Variants in TSR1 observed in about 807,000 individuals in gnomAD.
TSR1 encodes TSR1 ribosome maturation factor, also known as pre-rRNA-processing protein TSR1 homolog.
A neutral mutation model predicts 90.9 loss-of-function variants in TSR1; 81 were observed. The ratio of observed to expected loss-of-function variants is 0.89; its 90% CI spans 0.74 to 1.07. The LOEUF (loss-of-function observed/expected upper bound fraction) is 1.07, where lower values mean the gene tolerates loss of function less well. Among genes scored for constraint, TSR1 ranks in the 50% least tolerant of loss-of-function variants. The pLI, the probability that TSR1 is intolerant of heterozygous loss-of-function variation, is 0.00. For missense variants in TSR1, 989 were observed against 987.3 expected (o/e 1.00, Z -0.02); for synonymous variants, 362 against 348.8 (o/e 1.04, Z -0.42).
In TSR1 at chr17:2,336,106, C is replaced by G. The variant is rs146753045; in HGVS notation, c.132G>C (p.Val44=). 6.0e-5 allele frequency: 97 copies of G among 1,614,200 alleles called. No homozygotes were observed. The African/African-American group carries it at 1.1e-3, about 18-fold the overall frequency. ...RLALKTLSKK[V]RKELSRVDQR... ...GGTCGACTCTGCTGAGTTCTTTTCT[C>G]ACCTTCTTGCTTAGGGTTTTCAGTG... The change falls in exon 2 of 15, where the codon GTG becomes GTC. Residue 44 remains valine, a synonymous_variant. Transcript: ENST00000301364.
chr17:2,322,625 C>T lies in TSR1; in HGVS notation c.*1571G>A, dbSNP rs541194344. ...ACGCCATTCTCCTGCCTCTGCCTCC[C>T]GAGTAGCTGGGACTACAGGTGCCTG... On this transcript the variant is annotated 3_prime_UTR_variant, in exon 15 of 15. Coordinates refer to ENST00000301364, the MANE Select transcript of TSR1 (RefSeq NM_018128.5). 4.5e-5 allele frequency: 7 copies of T among 154,942 alleles called. No homozygotes were observed. Among genetic ancestry groups the T allele is most frequent in the Non-Finnish European group, 1.0e-4 (7 of 70,040 alleles). 9.6% of individuals were successfully genotyped at this position (154,942 alleles called of 1,614,324 possible).
At position 2,329,467 on chromosome 17, in the gene TSR1, TA is replaced by T. The variant is rs1420763204; in HGVS notation, c.1778del (p.Val593AspfsTer2). On this transcript the variant is annotated frameshift_variant, in exon 11 of 15. Transcript: ENST00000301364. LOFTEE classifies it high-confidence loss of function. ...GGTCACGCCTCACCACCATATTCAA[TA>T]CTGACATCTGGGGACCAAGTAAGAA... is the stretch of plus-strand genomic sequence containing the variant. ...SLLPHEQKMS[V>X]LNMVVRRDPG... The T allele has an allele frequency of 6.2e-7, 1 of 1,614,028 alleles. No individual in the cohort carries two copies. The highest frequency in any genetic ancestry group is 8.5e-7 in the Non-Finnish European group (1 of 1,180,032).
Position 2,330,516 on chromosome 17 carries a change from T to C in TSR1, c.1769A>G (p.Lys590Arg). 1.9e-6 allele frequency: 3 copies of C among 1,613,274 alleles called. No homozygotes were observed. Among genetic ancestry groups the C allele is most frequent in the Non-Finnish European group, 2.5e-6 (3 of 1,179,516 alleles). The change falls in exon 10 of 15, where the codon AAG becomes AGG. Residue 590 changes from lysine to arginine, a missense_variant and splice_region_variant. Coordinates refer to ENST00000301364, the MANE Select transcript of TSR1 (RefSeq NM_018128.5). ...TTTTCCCACAAGACAGCAATTTACC[T>C]TCTGTTCATGAGGTAGTAAAGAAAA... is the stretch of plus-strand genomic sequence containing the variant. ...IAFSLLPHEQ[K>R]MSVLNMVVRR...
At position 2,332,150 on chromosome 17, in the gene TSR1, G is replaced by C. The variant is rs774989441; in HGVS notation, c.1496+19C>G. The stretch of plus-strand genomic sequence containing the variant: ...CGTATTGACTGAATTTAGATTTGTT[G>C]ATAGACTTGTTGACTAACCGAATTC... On this transcript the variant is annotated intron_variant, in intron 8 of 14. Coordinates refer to ENST00000301364, the MANE Select transcript of TSR1 (RefSeq NM_018128.5). The C allele has an allele frequency of 6.2e-7, 1 of 1,604,110 alleles. No homozygotes were observed. The highest frequency in any genetic ancestry group is 1.1e-5 in the South Asian group (1 of 88,946).
rs1219495215 is a variant in TSR1, at chr17:2,324,767, T to C, written c.2083A>G (p.Lys695Glu). ...MSVDPDRMVI[K>E]RVVLSGHPFK... Reference sequence around the variant, plus strand: ...GGATGACCACTCAGAACAACTCTCTTGATGACCATTCTGTCTGGATCTACT... The same window carrying C: ...GGATGACCACTCAGAACAACTCTCTCGATGACCATTCTGTCTGGATCTACT... The change falls in exon 13 of 15, where the codon AAG becomes GAG. Residue 695 changes from lysine (K) to glutamate (E), a missense_variant. By Grantham distance (56) the Lys-to-Glu change is moderately conservative (BLOSUM62 1). Coordinates refer to ENST00000301364, the MANE Select transcript of TSR1 (RefSeq NM_018128.5). The C allele has an allele frequency of 6.2e-7, 1 of 1,614,068 alleles. No individual in the cohort carries two copies. Among genetic ancestry groups the C allele is most frequent in the Non-Finnish European group, 8.5e-7 (1 of 1,180,010 alleles).
chr17:2,334,744 C>G lies in TSR1; in HGVS notation c.709G>C (p.Ala237Pro). The G allele has an allele frequency of 1.9e-6, 3 of 1,614,122 alleles. No individual in the cohort carries two copies. Among genetic ancestry groups the G allele is most frequent in the Non-Finnish European group, 2.5e-6 (3 of 1,180,042 alleles). Residue 237 changes from alanine to proline, a missense_variant, in exon 5 of 15, where the codon GCT becomes CCT. Transcript: ENST00000301364. Reference protein sequence around the residue: ...QEAGMLLRQLANQKQQHLAFR... With the variant: ...QEAGMLLRQLPNQKQQHLAFR... The stretch of plus-strand genomic sequence containing the variant: ...GCAAGATGCTGTTGCTTCTGGTTAG[C>G]CAACTGCCTAAGCAGCATCCCTGCC...
At chr17:2,333,469 C>G in intron 6 of TSR1, 88 bp downstream of exon 6, 2 of 1,546,458 alleles carry the variant, frequency 1.3e-6, no homozygotes, top group Non-Finnish European at 1.8e-6. Flanking sequence ...CCACCCCACT[C>G]TATCCTATAG....
In TSR1 at chr17:2,322,792, A is replaced by C. The variant is rs1282583080; in HGVS notation, c.*1404T>G. 1 of 284,612 alleles carries C rather than the reference A, an allele frequency of 3.5e-6. No homozygotes were observed. The highest frequency in any genetic ancestry group is 4.8e-5 in the Admixed American group (1 of 20,896). 17.6% of individuals were successfully genotyped at this position (284,612 alleles called of 1,614,324 possible). On this transcript the variant is annotated 3_prime_UTR_variant, in exon 15 of 15. Coordinates refer to ENST00000301364, the MANE Select transcript of TSR1 (RefSeq NM_018128.5). The stretch of plus-strand genomic sequence containing the variant: ...CGGCCTCCCAAAGTGCTGGGATTAC[A>C]GGCGTGAGCCACTGCGCCCCACCCC...
At chr17:2,325,534 C>T in intron 11 of TSR1, 114 bp from the exon 12 acceptor site, 1 of 759,568 alleles carries the variant, frequency 1.3e-6, no homozygotes, top group South Asian at 2.0e-5. Context: ...GCTTCTACTT[C>T]TCTAAACCAC....
In TSR1 at chr17:2,324,199, C is replaced by T. The variant is rs765672056; in HGVS notation, c.2412G>A (p.Glu804=). Residue 804 remains glutamate, a synonymous_variant, in exon 15 of 15, where the codon GAG becomes GAA. Transcript: ENST00000301364. ...AGACAGAATCTCTTTGAATCCATTA[C>T]TCCATGCCCCCTTGAGGCACTGTTG... The part of the protein sequence containing the change: ...ISSTVPQGGM[E] The T allele has an allele frequency of 2.0e-6, 3 of 1,520,278 alleles. No homozygotes were observed. The highest frequency in any genetic ancestry group is 1.8e-6 in the Non-Finnish European group (2 of 1,138,882). The allele number at this position is 1,520,278 out of a possible 1,614,324, so 94.2% of individuals were successfully genotyped here.
Position 2,324,530 on chromosome 17 carries a change from C to T in TSR1, c.2210G>A (p.Arg737Gln), listed in dbSNP as rs769967606. Residue 737 changes from arginine to glutamine, a missense_variant, in exon 14 of 15, where the codon CGG becomes CAG. Transcript: ENST00000301364. The stretch of plus-strand genomic sequence containing the variant: ...TAAAGGTTCCTTGATATGTCCTCTC[C>T]GGCCCCACTTCGTTCTCAGTTCCAC... ...KPVELRTKWGRRGHIKEPLGT... is the reference protein window; with the variant it reads ...KPVELRTKWGQRGHIKEPLGT... 1.8e-5 allele frequency: 29 copies of T among 1,614,090 alleles called. No individual in the cohort carries two copies. Among genetic ancestry groups the T allele is most frequent in the South Asian group, 4.4e-5 (4 of 91,084 alleles).
chr17:2,335,397 G>A lies in TSR1; in HGVS notation c.422-3C>T, dbSNP rs895263407. ...GTCTAACACAACGTGCAGATCCCCT[G>A]CAGATAGAAGACACAGTAAGAAGAG... On this transcript the variant is annotated splice_polypyrimidine_tract_variant and splice_region_variant and intron_variant, in intron 3 of 14. Transcript: ENST00000301364. 1 of 1,611,268 alleles carries A rather than the reference G, an allele frequency of 6.2e-7. No individual in the cohort carries two copies. Among genetic ancestry groups the A allele is most frequent in the Middle Eastern group, 1.7e-4 (1 of 6,044 alleles).
In TSR1 at chr17:2,323,924, A is replaced by G; in HGVS notation, c.*272T>C. The stretch of plus-strand genomic sequence containing the variant: ...TTCAGTGTCTTTAGATACTGAAGAC[A>G]TTTTGTTTCCTAGTATTGTCAACTC... On this transcript the variant is annotated 3_prime_UTR_variant, in exon 15 of 15. Transcript: ENST00000301364. 2 of 1,516,176 alleles carry G rather than the reference A, an allele frequency of 1.3e-6. No homozygotes were observed. The highest frequency in any genetic ancestry group is 2.3e-5 in the South Asian group (2 of 86,596). 93.9% of individuals were successfully genotyped at this position (1,516,176 alleles called of 1,614,324 possible). A position where few individuals can be genotyped will look rare whatever the true frequency, so the allele number is the denominator to read the frequency against.
At position 2,323,029 on chromosome 17, in the gene TSR1, T is replaced by A; in HGVS notation, c.*1167A>T. ...ATCCACCCGCCTCGGGCTCCCAAAG[T>A]GTTGGGATTACAGGTGTGAGCCACC... On this transcript the variant is annotated 3_prime_UTR_variant, in exon 15 of 15. Coordinates refer to ENST00000301364, the MANE Select transcript of TSR1 (RefSeq NM_018128.5). 8.6e-7 allele frequency: 1 copy of A among 1,162,508 alleles called. No individual in the cohort carries two copies. Among genetic ancestry groups the A allele is most frequent in the Non-Finnish European group, 1.3e-6 (1 of 799,296 alleles). The allele number at this position is 1,162,508 out of a possible 1,614,324, so 72.0% of individuals were successfully genotyped here.
At chr17:2,326,855 A>G (rs1263509138) in intron 11 of TSR1, among the ~76,000 whole-genome samples, 1 of 152,208 alleles carries the variant, frequency 6.6e-6, no homozygotes, top group Non-Finnish European at 1.5e-5. Flanking sequence ...CTGTAATCCC[A>G]GCACTTTGGG....
chr17:2,332,427 C>T, intron 7 of TSR1, 68 bp from the exon 8 acceptor site: 2 of 1,343,904 alleles, frequency 1.5e-6, no homozygotes, highest in African/African-American at 1.5e-5. Context: ...GGCCAATAAG[C>T]TAAGAGTAAA....
chr17:2,330,642 G>A lies in TSR1; in HGVS notation c.1660-17C>T, dbSNP rs200461598. On this transcript the variant is annotated splice_polypyrimidine_tract_variant and intron_variant, in intron 9 of 14. Coordinates refer to ENST00000301364, the MANE Select transcript of TSR1 (RefSeq NM_018128.5). ...CCAGCCAACCTGCCACAAGAAAGCA[G>A]AAAGCAATCATGGAGTTACCTTTCA... 6.2e-7 allele frequency: 1 copy of A among 1,610,592 alleles called. No homozygotes were observed. Among genetic ancestry groups the A allele is most frequent in the Admixed American group, 1.7e-5 (1 of 59,770 alleles).
chr17:2,333,783 A>G, intron 5 of TSR1, 67 bp from the exon 6 acceptor site: 4 of 1,585,540 alleles, frequency 2.5e-6, no homozygotes, highest in East Asian at 2.2e-5. Flanking sequence ...CACAGTAACC[A>G]GAAAGACCCA....
intron 12 of TSR1, chr17:2,325,038 C>G: frequency 1.6e-6 from 1 of 616,548 alleles, no homozygotes; most frequent in Non-Finnish European, 2.7e-6. Flanking sequence ...TGATGTATAA[C>G]AAAACCATAC....
Sources: allele counts gnomAD v4.1 joint callset (sites outside exome capture counted in the v4.1 genomes callset), GRCh38; gene constraint gnomAD v4.1.1; transcripts MANE v1.5; gene names NCBI Gene and HGNC (gene_info 2026-07-23, HGNC 2026-07-21).